The following ENTPD5 variants were observed in gnomAD, a reference collection of about 807,000 sequenced individuals.
ENTPD5 encodes nucleoside diphosphate phosphatase ENTPD5.
A neutral mutation model predicts 60.2 loss-of-function variants in ENTPD5; 49 were observed. The observed-to-expected ratio is 0.81, with a 90% CI of 0.65 to 1.03. The LOEUF (loss-of-function observed/expected upper bound fraction) is 1.03, where lower values mean the gene tolerates loss of function less well. Ranked by LOEUF, ENTPD5 falls within the 50% of genes least tolerant of loss-of-function variation. The probability of loss-of-function intolerance (pLI) is 0.00; values close to 1 mark genes in which losing one functional copy is unlikely to be tolerated. For missense variants in ENTPD5, 480 were observed against 507.6 expected (o/e 0.95, Z 0.52); for synonymous variants, 187 against 185.4 (o/e 1.01, Z -0.07).
At chr14:74,006,202 A>AGGCTGGT (rs1334057870) in intron 3 of ENTPD5, among the ~76,000 whole-genome samples, 1 of 151,548 alleles carries the variant, frequency 6.6e-6, no homozygotes, top group African/African-American at 2.4e-5. Flanking sequence ...CATGTTAGTC[A>AGGCTGGT]GGCTGGTGAT....
Position 73,967,819 on chromosome 14 carries a change from A to G in ENTPD5, c.1201-805T>C, listed in dbSNP as rs2057049311. Among the ~76,000 whole-genome samples, 4 of 139,618 alleles carry G rather than the reference A, an allele frequency of 2.9e-5. No individual in the cohort carries two copies. In the South Asian group the frequency reaches 8.8e-4, roughly 31 times the overall value. The allele number at this position is 139,618 out of a possible 152,430, so 91.6% of individuals were successfully genotyped here. ...TGTCTCAAAAAAAAAAAAAAAAAAG[A>G]AAAAAAAAGAAACGAACAAAAAAGG... On this transcript the variant is annotated intron_variant, in intron 15 of 15. Coordinates refer to ENST00000334696, the MANE Select transcript of ENTPD5 (RefSeq NM_001249.5).
chr14:73,964,014 A>ATT lies in ENTPD5; in HGVS notation c.*2912_*2913dup, dbSNP rs893121894. On this transcript the variant is annotated 3_prime_UTR_variant, in exon 16 of 16. Transcript: ENST00000334696. Reference sequence around the variant, plus strand: ...CCTTGCTGGAATCTCAGGAAAAAGAATTAAAGATGGCAGCTGCTGTGAAAA... The same window carrying ATT: ...CCTTGCTGGAATCTCAGGAAAAAGAATTTTAAAGATGGCAGCTGCTGTGAAAA... The ATT allele has an allele frequency of 4.6e-4, 70 of 152,354 alleles. No homozygotes were observed. Among genetic ancestry groups the ATT allele is most frequent in the African/African-American group, 1.6e-3 (67 of 41,586 alleles). The allele number at this position is 152,354 out of a possible 1,614,324, so 9.4% of individuals were successfully genotyped here.
chr14:73,969,496 G>A (rs1260191143), intron 15 of ENTPD5, among the ~76,000 whole-genome samples: 1 of 152,108 alleles, frequency 6.6e-6, no homozygotes, highest in Non-Finnish European at 1.5e-5. Flanking sequence ...GTTCTCAGGA[G>A]TTCGAGACCA....
chr14:73,987,832 G>C (rs2057964646), intron 4 of ENTPD5, 54 bp downstream of exon 4: 2 of 1,511,576 alleles, frequency 1.3e-6, no homozygotes, highest in Non-Finnish European at 1.8e-6. Flanking sequence ...TTTCTGGGAG[G>C]AGATGCTAAA....
chr14:73,997,907 G>A (rs2058387328), intron 3 of ENTPD5, among the ~76,000 whole-genome samples: 1 of 152,136 alleles, frequency 6.6e-6, no homozygotes, highest in Non-Finnish European at 1.5e-5. Flanking sequence ...AGGGCAAGGA[G>A]TACCCCCTTT....
intron 11 of ENTPD5, 51 bp downstream of exon 11, chr14:73,974,873 G>GT: frequency 7.1e-7 from 1 of 1,413,936 alleles, no homozygotes; most frequent in Admixed American, 1.8e-5. Context: ...AGCAAGCGGA[G>GT]TATCTGTGTC....
intron 3 of ENTPD5, among the ~76,000 whole-genome samples, chr14:74,005,265 C>CAAAAAAA (rs71115941): frequency 1.5e-4 from 6 of 39,996 alleles, no homozygotes; most frequent in African/African-American, 2.3e-4. Context: ...GACTCAGTCT[C>CAAAAAAA]AAAAAAAAAA....
intron 8 of ENTPD5, 37 bp downstream of exon 8, chr14:73,976,987 T>C (rs768337667): frequency 2.6e-5 from 41 of 1,559,330 alleles, no homozygotes; most frequent in Non-Finnish European, 3.4e-5. Context: ...ATGTAAAAGC[T>C]AGTTAAGCTC....
chr14:73,998,312 CTCTT>C (rs1274817871), intron 3 of ENTPD5, among the ~76,000 whole-genome samples: 1 of 152,092 alleles, frequency 6.6e-6, no homozygotes, highest in Non-Finnish European at 1.5e-5. Context: ...TCCCTCCCTG[CTCTT>C]TCTATCTAAT....
chr14:73,959,094 G>A (rs1594804202), downstream of ENTPD5: 1 of 1,614,172 alleles, frequency 6.2e-7, no homozygotes, highest in African/African-American at 1.3e-5. Flanking sequence ...ATCCTGAGCT[G>A]CCATCTGGGG....
At chr14:73,956,209 A>T (rs968075387), downstream of ENTPD5, 36 of 368,990 alleles carry the variant, frequency 9.8e-5, no homozygotes, top group Admixed American at 4.1e-4. Context: ...GCGCCTATAG[A>T]CCCAGCTACT....
intron 3 of ENTPD5, among the ~76,000 whole-genome samples, chr14:73,998,933 C>T (rs2058421153): frequency 6.6e-6 from 1 of 152,082 alleles, no homozygotes; most frequent in Admixed American, 6.5e-5. Context: ...CTTTACTCTG[C>T]AGGTGATAGG....
downstream of ENTPD5, chr14:73,955,750 T>A (rs1488668189): frequency 1.4e-5 from 22 of 1,613,302 alleles, no homozygotes; most frequent in Non-Finnish European, 1.8e-5. Context: ...TTGTTTCTGA[T>A]TGGAGTGATG....
At chr14:73,967,730 G>A (rs1032968806) in intron 15 of ENTPD5, among the ~76,000 whole-genome samples, 1 of 150,252 alleles carries the variant, frequency 6.7e-6, no homozygotes, top group African/African-American at 2.5e-5. Context: ...AACCCGGGAG[G>A]CAGAGGTTGC....
intron 2 of ENTPD5, among the ~76,000 whole-genome samples, chr14:74,014,381 C>G (rs1032669644): frequency 2.1e-4 from 22 of 105,564 alleles, no homozygotes; most frequent in Non-Finnish European, 4.0e-4. Context: ...AGTCTTTACT[C>G]CCCCCCCCCA....
At chr14:73,991,788 A>G (rs1267572098) in intron 3 of ENTPD5, among the ~76,000 whole-genome samples, 5 of 151,660 alleles carry the variant, frequency 3.3e-5, no homozygotes, top group Non-Finnish European at 7.4e-5. Flanking sequence ...TCTGCTGGCT[A>G]ATTTTCCTGC....
intron 15 of ENTPD5, among the ~76,000 whole-genome samples, chr14:73,967,724 C>T (rs1156617556): frequency 1.3e-5 from 2 of 149,718 alleles, no homozygotes; most frequent in Middle Eastern, 3.5e-3. Flanking sequence ...CACTTGAACC[C>T]GGGAGGCAGA....
chr14:73,998,333 G>A (rs1489800621), intron 3 of ENTPD5, among the ~76,000 whole-genome samples: 2 of 152,054 alleles, frequency 1.3e-5, no homozygotes, highest in South Asian at 2.1e-4. Context: ...TAATAAATAC[G>A]AAGGGCGGTA....
rs144618597 is a variant in ENTPD5, at chr14:73,990,489, C to T, written c.-70-2317G>A. 4.2e-3 allele frequency among the ~76,000 whole-genome samples: 643 copies of T among 151,804 alleles called. 5 individuals are homozygous for T. Among genetic ancestry groups the T allele is most frequent in the African/African-American group, 0.015 (606 of 41,472 alleles). ...AGTTGGGATTACACGTGTGTGCCTC[C>T]ATACCTGGCTATTTTTTTTATTTTG... On this transcript the variant is annotated intron_variant, in intron 3 of 15. Coordinates refer to ENST00000334696, the MANE Select transcript of ENTPD5 (RefSeq NM_001249.5).
Sources: gnomAD v4.1 joint callset for allele counts (sites outside exome capture counted in the v4.1 genomes callset) on GRCh38, gnomAD v4.1.1 for gene constraint, MANE v1.5 for transcripts, NCBI Gene and HGNC (gene_info 2026-07-23, HGNC 2026-07-21) for gene names.